Variants in CPEB1 observed in about 807,000 individuals in gnomAD.
CPEB1 encodes the protein cytoplasmic polyadenylation element-binding protein 1.
Under a neutral mutation model 65.8 loss-of-function variants are expected in CPEB1, and 7 were observed. The ratio of observed to expected loss-of-function variants is 0.11; its 90% CI spans 0.06 to 0.20. The LOEUF is 0.20. Ranked by LOEUF, CPEB1 falls within the 10% of genes least tolerant of loss-of-function variation. The pLI is 1.00. For synonymous variants in CPEB1, 262 were observed against 260.0 expected (o/e 1.01, Z -0.08); for missense variants, 551 against 712.2 (o/e 0.77, Z 2.58).
At position 82,544,563 on chromosome 15, in the gene CPEB1, C is replaced by T; in HGVS notation, c.*29G>A. Reference sequence around the variant, plus strand: ...TTGCCTGACCTGCCAGCTTTGGGCGCCACAGGCCACTGGGCAAGGCCAGCT... The same window carrying T: ...TTGCCTGACCTGCCAGCTTTGGGCGTCACAGGCCACTGGGCAAGGCCAGCT... On this transcript the variant is annotated 3_prime_UTR_variant, in exon 13 of 13. Transcript: ENST00000684509. 1 of 1,579,890 alleles carries T rather than the reference C, an allele frequency of 6.3e-7. No homozygotes were observed. Among genetic ancestry groups the T allele is most frequent in the African/African-American group, 1.3e-5 (1 of 74,442 alleles).
At chr15:82,589,199 C>A (rs2042028874) in intron 3 of CPEB1, among the ~76,000 whole-genome samples, 1 of 152,226 alleles carries the variant, frequency 6.6e-6, no homozygotes, top group Non-Finnish European at 1.5e-5. Flanking sequence ...AAGCCCTGTA[C>A]CTCTTAAACA....
intron 1 of CPEB1, among the ~76,000 whole-genome samples, chr15:82,646,202 CT>C (rs2047502876): frequency 6.6e-6 from 1 of 152,160 alleles, no homozygotes; most frequent in Non-Finnish European, 1.5e-5. Flanking sequence ...GCAAACTGTC[CT>C]TAGCAGACAC....
At chr15:82,580,637 G>T (rs541315393) in intron 3 of CPEB1, among the ~76,000 whole-genome samples, 1 of 151,818 alleles carries the variant, frequency 6.6e-6, no homozygotes, top group East Asian at 1.9e-4. Context: ...CTTTTTTTAC[G>T]CTAAGCTAAA....
At chr15:82,561,380 AAAG>A (rs1281135769) in intron 4 of CPEB1, among the ~76,000 whole-genome samples, 6 of 152,232 alleles carry the variant, frequency 3.9e-5, no homozygotes, top group Admixed American at 2.6e-4. Flanking sequence ...CCAGTAAAAA[AAAG>A]AAAGCCAGTT....
intron 3 of CPEB1, among the ~76,000 whole-genome samples, chr15:82,605,964 G>A (rs1350560785): frequency 6.6e-6 from 1 of 152,154 alleles, no homozygotes; most frequent in East Asian, 1.9e-4. Flanking sequence ...CTTGAACCCA[G>A]GAGGCAGAGG....
rs1236664724 is a variant in CPEB1 at position 82,614,875 on chromosome 15, G to GTT, written c.271+12317_271+12318insAA. On this transcript the variant is annotated intron_variant, in intron 3 of 12. Coordinates refer to ENST00000684509, the MANE Select transcript of CPEB1 (RefSeq NM_001365242.1). ...TGTGTGTGTGTGTGTGTGTGTGTGTGTGTGTATATATATATATGACCTCAG... is the reference window on the plus strand; with the variant it reads ...TGTGTGTGTGTGTGTGTGTGTGTGTGTTTGTGTATATATATATATGACCTCAG... Among the ~76,000 whole-genome samples the GTT allele has an allele frequency of 3.1e-3, 385 of 123,284 alleles. 1 individual carries two copies. Among genetic ancestry groups the GTT allele is most frequent in the African/African-American group, 0.01 (360 of 35,226 alleles). The allele number at this position is 123,284 out of a possible 152,430, so 80.9% of individuals were successfully genotyped here.
chr15:82,629,512 T>C (rs1329982964), intron 1 of CPEB1: 12 of 985,220 alleles, frequency 1.2e-5, no homozygotes, highest in Non-Finnish European at 1.2e-5. Flanking sequence ...ATTCCCTATC[T>C]CGGTAAATAA....
intron 1 of CPEB1, among the ~76,000 whole-genome samples, chr15:82,645,175 A>C (rs1474127189): frequency 6.6e-6 from 1 of 152,198 alleles, no homozygotes; most frequent in Non-Finnish European, 1.5e-5. Flanking sequence ...GTTTTTTGAG[A>C]CGAAGTCTCG....
intron 1 of CPEB1, among the ~76,000 whole-genome samples, chr15:82,646,726 G>A (rs7166780): frequency 0.011 from 1,670 of 152,360 alleles, 25 homozygotes; most frequent in African/African-American, 0.038. Flanking sequence ...CTCTAGGAAT[G>A]AGGCAGCAAA....
chr15:82,621,343 C>T (rs2151294596), intron 3 of CPEB1, among the ~76,000 whole-genome samples: 1 of 150,016 alleles, frequency 6.7e-6, no homozygotes, highest in South Asian at 2.1e-4. Context: ...AAATCCAGGC[C>T]AGGTGCAGTG....
chr15:82,573,039 C>A, intron 3 of CPEB1: 1 of 1,534,854 alleles, frequency 6.5e-7, no homozygotes, highest in Non-Finnish European at 8.7e-7. Flanking sequence ...AGCACTCCAC[C>A]TGCTTGTTCT....
chr15:82,571,869 G>C, intron 3 of CPEB1: 4 of 1,068,128 alleles, frequency 3.7e-6, no homozygotes, highest in Non-Finnish European at 4.5e-6. Context: ...GAACGGGGGA[G>C]GAGCAGGAGG....
intron 1 of CPEB1, among the ~76,000 whole-genome samples, chr15:82,640,380 T>A (rs944071994): frequency 1.3e-5 from 2 of 152,156 alleles, no homozygotes. Flanking sequence ...CTCTTGCACA[T>A]AGGAACACAA....
At chr15:82,577,996 C>G (rs1404847663) in intron 3 of CPEB1, among the ~76,000 whole-genome samples, 1 of 152,030 alleles carries the variant, frequency 6.6e-6, no homozygotes, top group African/African-American at 2.4e-5. Flanking sequence ...AAAAATTAGC[C>G]GGGCATGGTG....
chr15:82,553,919 C>T lies in CPEB1; in HGVS notation c.1013G>A (p.Cys338Tyr). 1 of 1,612,972 alleles carries T rather than the reference C, an allele frequency of 6.2e-7. No individual in the cohort carries two copies. The highest frequency in any genetic ancestry group is 8.5e-7 in the Non-Finnish European group (1 of 1,179,470). Residue 338 changes from cysteine (C) to tyrosine (Y), a missense_variant, in exon 7 of 13, where the codon TGC (cysteine) becomes TAC (tyrosine). Cys to Tyr is a radical substitution (Grantham distance 194, BLOSUM62 -2). Transcript: ENST00000684509. ...AGGAACACCTCCTAGAAACACCTTGCAAGAGTAGATGGGGTTCTTATAGTT... is the reference window on the plus strand; with the variant it reads ...AGGAACACCTCCTAGAAACACCTTGTAAGAGTAGATGGGGTTCTTATAGTT... ...PRNYKNPIYSCKVFLGGVPWD... is the reference protein window; with the variant it reads ...PRNYKNPIYSYKVFLGGVPWD...
chr15:82,591,595 A>G (rs950872173), intron 3 of CPEB1, among the ~76,000 whole-genome samples: 3 of 152,032 alleles, frequency 2.0e-5, no homozygotes, highest in African/African-American at 7.2e-5. Flanking sequence ...GATCAGTTAT[A>G]AAGCTTTTTT....
chr15:82,641,080 G>C (rs183328666), intron 1 of CPEB1, among the ~76,000 whole-genome samples: 14 of 152,108 alleles, frequency 9.2e-5, no homozygotes, highest in Admixed American at 5.2e-4. Flanking sequence ...ATAAAATTAG[G>C]GTAATCACTT....
chr15:82,583,565 T>G (rs780753942), intron 3 of CPEB1: 3 of 152,186 alleles, frequency 2.0e-5, no homozygotes, highest in Non-Finnish European at 4.4e-5. Context: ...ACAAAAACAT[T>G]GAAAGCTTCA....
chr15:82,600,146 A>G (rs2042979618), intron 3 of CPEB1, among the ~76,000 whole-genome samples: 1 of 152,212 alleles, frequency 6.6e-6, no homozygotes, highest in Non-Finnish European at 1.5e-5. Flanking sequence ...GAAACATCAG[A>G]AAGCAAAGGG....
Sources: gnomAD v4.1 joint callset for allele counts (sites outside exome capture counted in the v4.1 genomes callset) on GRCh38, gnomAD v4.1.1 for gene constraint, MANE v1.5 for transcripts, NCBI Gene and HGNC (gene_info 2026-07-23, HGNC 2026-07-21) for gene names.